DOP1A: variants seen among roughly 807,000 people sequenced by gnomAD.
The protein encoded by DOP1A is protein DOP1A.
DOP1A carries 90 observed loss-of-function variants against 267.6 expected under a neutral mutation model. That is an observed-to-expected ratio of 0.34 (90% CI 0.28 to 0.40). The LOEUF (loss-of-function observed/expected upper bound fraction) is 0.40. Among genes scored for constraint, DOP1A ranks in the 10% least tolerant of loss-of-function variants. The pLI is 1.00. For synonymous variants in DOP1A, 932 were observed against 999.1 expected (o/e 0.93, Z 1.27); for missense variants, 2,437 against 2,900.4 (o/e 0.84, Z 3.67).
At chr6:83,159,335 G>A (rs1218039762) in intron 36 of DOP1A, among the ~76,000 whole-genome samples, 1 of 152,078 alleles carries the variant, frequency 6.6e-6, no homozygotes, top group African/African-American at 2.4e-5. Context: ...ATGCAGTGGT[G>A]TGATCCTGGC....
chr6:83,069,679 C>A (rs893008280), intron 1 of DOP1A, among the ~76,000 whole-genome samples: 1 of 152,076 alleles, frequency 6.6e-6, no homozygotes, highest in Non-Finnish European at 1.5e-5. Context: ...AGTCTTAATG[C>A]TTTAATTATT....
downstream of DOP1A, chr6:83,169,316 G>A: frequency 6.2e-7 from 1 of 1,613,216 alleles, no homozygotes; most frequent in Non-Finnish European, 8.5e-7. Flanking sequence ...AAGGTGATCT[G>A]CACTTTCCTG....
intron 6 of DOP1A, among the ~76,000 whole-genome samples, chr6:83,112,255 TAAAGG>T (rs942424293): frequency 1.1e-4 from 16 of 151,896 alleles, no homozygotes; most frequent in Admixed American, 8.5e-4. Flanking sequence ...ATAATTAACT[TAAAGG>T]AAATAAGAAT....
At chr6:83,124,604 A>C (rs1343655899) in intron 12 of DOP1A, 101 bp from the exon 13 acceptor site, 1 of 858,002 alleles carries the variant, frequency 1.2e-6, no homozygotes, top group Non-Finnish European at 1.9e-6. Flanking sequence ...ACTGTGTGTG[A>C]CCCAATATTG....
At chr6:83,167,032 G>T in intron 38 of DOP1A, 1 of 985,272 alleles carries the variant, frequency 1.0e-6, no homozygotes, top group Non-Finnish European at 1.2e-6. Flanking sequence ...GTCTGTAGCT[G>T]TGTTTGTGTA....
chr6:83,138,235 C>G lies in DOP1A; in HGVS notation c.4193C>G (p.Ala1398Gly). The G allele has an allele frequency of 6.2e-7, 1 of 1,613,488 alleles. No individual in the cohort carries two copies. Among genetic ancestry groups the G allele is most frequent in the Non-Finnish European group, 8.5e-7 (1 of 1,179,896 alleles). The change falls in exon 21 of 39, where the codon GCT becomes GGT. Residue 1398 changes from alanine to glycine, a missense_variant. By Grantham distance (60) the Ala-to-Gly change is moderately conservative. Transcript: ENST00000349129. ...GCCATCTTGAAAACTAACCCTATAG[C>G]TTTTGTAAATGCCATTTCAACTACT... ...IKAILKTNPI[A>G]FVNAISTTSV...
downstream of DOP1A, chr6:83,169,029 A>G (rs771880383): frequency 6.6e-5 from 90 of 1,361,852 alleles, 1 homozygote; most frequent in South Asian, 4.4e-4. Flanking sequence ...GACTGAAATT[A>G]GAGGTAAATT....
At chr6:83,165,224 T>C (rs997184836) in intron 38 of DOP1A, 1 of 152,944 alleles carries the variant, frequency 6.5e-6, no homozygotes, top group Admixed American at 6.5e-5. Flanking sequence ...AGGACTCTCA[T>C]TGGTGCCAGT....
chr6:83,110,911 T>C (rs985474246), intron 6 of DOP1A, among the ~76,000 whole-genome samples: 1 of 152,088 alleles, frequency 6.6e-6, no homozygotes, highest in Non-Finnish European at 1.5e-5. Context: ...CATTGTAGAG[T>C]TACCTGAATT....
Position 83,152,320 on chromosome 6 carries a change from A to G in DOP1A, c.6082A>G (p.Ile2028Val), listed in dbSNP as rs769847451. The G allele has an allele frequency of 7.6e-6, 12 of 1,575,816 alleles. No individual in the cohort carries two copies. Among genetic ancestry groups the G allele is most frequent in the Non-Finnish European group, 1.0e-5 (12 of 1,163,760 alleles). ...ATCACCTGCAATGGAAACCGCAAAC[A>G]TAACTCCTTCTGTATATAGTGTCCA... ...MLSPAMETAN[I>V]TPSVYSVHAL... The change falls in exon 30 of 39, where the codon ATA becomes GTA. Residue 2028 changes from isoleucine (I) to valine (V), a missense_variant. Ile to Val is a conservative substitution (Grantham distance 29, BLOSUM62 3). Transcript: ENST00000349129.
At chr6:83,155,432 A>T (rs906429873) in intron 33 of DOP1A, among the ~76,000 whole-genome samples, 1 of 152,160 alleles carries the variant, frequency 6.6e-6, no homozygotes. Flanking sequence ...ACTGCACTTC[A>T]GACTGGGTGA....
intron 1 of DOP1A, among the ~76,000 whole-genome samples, chr6:83,082,766 ATC>A (rs1768353604): frequency 6.6e-6 from 1 of 151,920 alleles, no homozygotes; most frequent in South Asian, 2.1e-4. Flanking sequence ...ATACAATTTT[ATC>A]TGTCAATTTG....
intron 4 of DOP1A, among the ~76,000 whole-genome samples, chr6:83,105,356 CTTTTTTTTTTT>C (rs70987733): frequency 6.1e-5 from 4 of 65,940 alleles, no homozygotes; most frequent in Admixed American, 2.3e-4. Flanking sequence ...GGATGTCTTT[CTTTTTTTTTTT>C]TTTTTTTTTT....
Position 83,156,003 on chromosome 6 carries a change from T to C in DOP1A, c.6504T>C (p.Asp2168=), listed in dbSNP as rs1782712415. 1 of 1,614,134 alleles carries C rather than the reference T, an allele frequency of 6.2e-7. No individual in the cohort carries two copies. Among genetic ancestry groups the C allele is most frequent in the Non-Finnish European group, 8.5e-7 (1 of 1,179,978 alleles). Residue 2168 remains aspartate (D), a synonymous_variant, in exon 34 of 39, where the codon GAT becomes GAC. Coordinates refer to ENST00000349129, the MANE Select transcript of DOP1A (RefSeq NM_015018.4). ...CACTTAATCTCTTTGCAAACCGTGA[T>C]GTGGAGCTAGAACAGAGAGCTATGC... ...SSSLNLFANR[D]VELEQRAMLL... is the part of the protein sequence containing the mutation.
intron 4 of DOP1A, among the ~76,000 whole-genome samples, chr6:83,108,264 CT>C (rs755399181): frequency 5.3e-5 from 8 of 152,196 alleles, no homozygotes; most frequent in Non-Finnish European, 1.0e-4. Context: ...ATTGCAGCCT[CT>C]ACCTCCCAGG....
chr6:83,102,847 C>T (rs1772833017), intron 4 of DOP1A, among the ~76,000 whole-genome samples: 2 of 152,184 alleles, frequency 1.3e-5, no homozygotes, highest in Admixed American at 6.5e-5. Flanking sequence ...GTGACCTCAA[C>T]TCTTAATAAA....
chr6:83,116,070 T>C (rs1052254405), intron 7 of DOP1A, among the ~76,000 whole-genome samples: 1 of 152,196 alleles, frequency 6.6e-6, no homozygotes, highest in Non-Finnish European at 1.5e-5. Flanking sequence ...GTTCTTTTGG[T>C]TAAAGTATAT....
chr6:83,109,418 A>T (rs1774175571), intron 5 of DOP1A, among the ~76,000 whole-genome samples: 1 of 152,186 alleles, frequency 6.6e-6, no homozygotes, highest in African/African-American at 2.4e-5. Context: ...TATCTGTGTT[A>T]TTCTAATAAC....
At chr6:83,113,259 C>T in intron 6 of DOP1A, 64 bp from the exon 7 acceptor site, 1 of 1,315,034 alleles carries the variant, frequency 7.6e-7, no homozygotes, top group East Asian at 2.3e-5. Context: ...AGAGTTGTCA[C>T]ATTTTCGTGG....
Sources: gnomAD v4.1 joint callset for allele counts (sites outside exome capture counted in the v4.1 genomes callset) on GRCh38, gnomAD v4.1.1 for gene constraint, MANE v1.5 for transcripts, NCBI Gene and HGNC (gene_info 2026-07-23, HGNC 2026-07-21) for gene names.